The following NOL4 variants were observed in gnomAD, a reference collection of about 807,000 sequenced individuals.
NOL4 encodes the protein cancer/testis antigen 125.
In NOL4, 17 loss-of-function variants were observed where a neutral mutation model predicts 75.9. The observed-to-expected ratio is 0.22, with a 90% CI of 0.15 to 0.34. NOL4 has a LOEUF of 0.34. NOL4 is among the 10% of genes least tolerant of loss of function. NOL4 has a pLI of 1.00. For synonymous variants in NOL4, 292 were observed against 289.9 expected (o/e 1.01, Z -0.07); for missense variants, 614 against 793.5 (o/e 0.77, Z 2.72).
At chr18:34,210,930 G>A (rs2036468365) in intron 1 of NOL4, among the ~76,000 whole-genome samples, 1 of 152,110 alleles carries the variant, frequency 6.6e-6, no homozygotes, top group Non-Finnish European at 1.5e-5. Flanking sequence ...GAAAGTTTAA[G>A]AAAAAGTTTT....
intron 1 of NOL4, chr18:34,157,312 T>C (rs1233161036): frequency 6.6e-6 from 1 of 152,168 alleles, no homozygotes; most frequent in Non-Finnish European, 1.5e-5. Context: ...ATTAGATAAA[T>C]ATATACCTCA....
At chr18:34,039,717 C>T (rs2076058925) in intron 5 of NOL4, among the ~76,000 whole-genome samples, 1 of 151,864 alleles carries the variant, frequency 6.6e-6, no homozygotes, top group Admixed American at 6.6e-5. Context: ...ATGTTCTTTC[C>T]AACAACTGAT....
chr18:33,869,760 C>A (rs1434842125), intron 10 of NOL4, among the ~76,000 whole-genome samples: 4 of 151,974 alleles, frequency 2.6e-5, no homozygotes, highest in South Asian at 2.1e-4. Flanking sequence ...GGCAAAATTA[C>A]AATTTTAAGG....
At chr18:34,220,951 GACTGAAAAT>G (rs2146640248) in intron 1 of NOL4, 1 of 151,620 alleles carries the variant, frequency 6.6e-6, no homozygotes, top group African/African-American at 2.4e-5. Flanking sequence ...ATAAATTTTT[GACTGAAAAT>G]AGTGGTATAT....
At position 33,897,009 on chromosome 18, in the gene NOL4, A is replaced by C. The variant is rs909416341; in HGVS notation, c.1543-13585T>G. ...ATACATGCGGCCAGTAAGCATACGA[A>C]AAAAAAGCTCAGTATCACTGATCAT... is the stretch of plus-strand genomic sequence containing the variant. On this transcript the variant is annotated intron_variant, in intron 9 of 10. Transcript: ENST00000261592. 4.6e-5 allele frequency among the ~76,000 whole-genome samples: 7 copies of C among 152,174 alleles called. 1 individual carries two copies. The highest frequency in any genetic ancestry group is 4.4e-5 in the Non-Finnish European group (3 of 68,028).
chr18:34,068,462 C>T (rs1396591217), intron 5 of NOL4, among the ~76,000 whole-genome samples: 2 of 152,064 alleles, frequency 1.3e-5, no homozygotes, highest in Admixed American at 6.5e-5. Flanking sequence ...TGCAGTGGCG[C>T]GAGCTTGGCT....
intron 5 of NOL4, among the ~76,000 whole-genome samples, chr18:34,078,641 C>G (rs2077854573): frequency 6.6e-6 from 1 of 152,042 alleles, no homozygotes; most frequent in African/African-American, 2.4e-5. Context: ...TAATGGCAAG[C>G]CAATATGAAA....
At position 34,129,897 on chromosome 18, in the gene NOL4, C is replaced by T. The variant is rs2080558643; in HGVS notation, c.388G>A (p.Ala130Thr). 6.3e-7 allele frequency: 1 copy of T among 1,585,816 alleles called. No homozygotes were observed. Among genetic ancestry groups the T allele is most frequent in the Non-Finnish European group, 8.6e-7 (1 of 1,165,658 alleles). The change falls in exon 2 of 11, where the codon GCT becomes ACT. Residue 130 changes from alanine to threonine, a missense_variant. Coordinates refer to ENST00000261592, the MANE Select transcript of NOL4 (RefSeq NM_003787.5). ...GPNGEQIRKH[A>T]GQKRTYKAIS... ...GCTTTGTAAGTTCTCTTTTGTCCAG[C>T]GTGTTTCCGAATTTGTTCTCCATTT...
At chr18:33,875,550 C>G (rs1004953109) in intron 10 of NOL4, among the ~76,000 whole-genome samples, 1 of 151,968 alleles carries the variant, frequency 6.6e-6, no homozygotes, top group Non-Finnish European at 1.5e-5. Context: ...TTATAAAACT[C>G]TAAAACTACT....
rs890967130 is a variant in NOL4 at position 34,137,793 on chromosome 18, C to T, written c.265-7773G>A. 3.3e-5 allele frequency among the ~76,000 whole-genome samples: 5 copies of T among 151,838 alleles called. No homozygotes were observed. In the South Asian group the frequency reaches 6.2e-4, roughly 19 times the overall value. On this transcript the variant is annotated intron_variant, in intron 1 of 10. Coordinates refer to ENST00000261592, the MANE Select transcript of NOL4 (RefSeq NM_003787.5). ...TATATACGAAATACACACACACACA[C>T]ACACACACACACACACGCACGCACA...
chr18:34,074,827 C>T (rs1231778470), intron 5 of NOL4, among the ~76,000 whole-genome samples: 2 of 151,820 alleles, frequency 1.3e-5, no homozygotes, highest in Non-Finnish European at 2.9e-5. Flanking sequence ...TCTATACTTC[C>T]TCTCATATGT....
At chr18:34,215,040 T>C (rs960726207) in intron 1 of NOL4, among the ~76,000 whole-genome samples, 1 of 152,198 alleles carries the variant, frequency 6.6e-6, no homozygotes, top group South Asian at 2.1e-4. Context: ...TGTTGTATAA[T>C]ATAGTTTCTG....
At chr18:33,956,082 C>T (rs1232175554) in intron 8 of NOL4, among the ~76,000 whole-genome samples, 1 of 152,056 alleles carries the variant, frequency 6.6e-6, no homozygotes, top group Non-Finnish European at 1.5e-5. Context: ...ATTGGAGATG[C>T]CCTACCTTGT....
At chr18:34,148,451 C>A (rs537253632) in intron 1 of NOL4, among the ~76,000 whole-genome samples, 22 of 152,204 alleles carry the variant, frequency 1.4e-4, no homozygotes, top group African/African-American at 5.1e-4. Flanking sequence ...TTACTTATTT[C>A]TGCCTTAATT....
At chr18:34,030,983 A>C (rs964858336) in intron 5 of NOL4, among the ~76,000 whole-genome samples, 3 of 152,110 alleles carry the variant, frequency 2.0e-5, no homozygotes, top group Admixed American at 2.0e-4. Flanking sequence ...CATGGTGGGG[A>C]GAGGGAGGGA....
chr18:34,202,427 G>A (rs1318188709), intron 1 of NOL4, among the ~76,000 whole-genome samples: 4 of 151,762 alleles, frequency 2.6e-5, no homozygotes, highest in African/African-American at 9.7e-5. Context: ...TTCTTTCACT[G>A]TTTATAAACA....
chr18:34,144,300 C>T (rs779453040), intron 1 of NOL4, among the ~76,000 whole-genome samples: 2 of 152,076 alleles, frequency 1.3e-5, no homozygotes, highest in African/African-American at 2.4e-5. Context: ...TACAATCCAG[C>T]TCCAGGATAT....
chr18:34,184,940 G>A (rs1282176204), intron 1 of NOL4, among the ~76,000 whole-genome samples: 1 of 152,080 alleles, frequency 6.6e-6, no homozygotes, highest in Admixed American at 6.6e-5. Flanking sequence ...ATTCAGAAGC[G>A]GTGAGCAGAA....
chr18:34,176,151 C>T (rs994537523), intron 1 of NOL4, among the ~76,000 whole-genome samples: 2 of 151,502 alleles, frequency 1.3e-5, no homozygotes, highest in African/African-American at 2.4e-5. Context: ...AAATAAAGGA[C>T]CAAGTGGAAA....
Sources: gnomAD v4.1 joint callset for allele counts (sites outside exome capture counted in the v4.1 genomes callset) on GRCh38, gnomAD v4.1.1 for gene constraint, MANE v1.5 for transcripts, NCBI Gene and HGNC (gene_info 2026-07-23, HGNC 2026-07-21) for gene names.